Variants in CLPB observed in about 807,000 individuals in gnomAD.
CLPB encodes ClpB family mitochondrial disaggregase.
Under a neutral mutation model 78.4 loss-of-function variants are expected in CLPB, and 40 were observed. That is an observed-to-expected ratio of 0.51 (90% CI 0.40 to 0.66). The LOEUF (loss-of-function observed/expected upper bound fraction) is 0.66, where lower values mean the gene tolerates loss of function less well. Ranked by LOEUF, CLPB falls within the 30% of genes least tolerant of loss-of-function variation. The probability of loss-of-function intolerance (pLI) is 0.00; values close to 1 mark genes in which losing one functional copy is unlikely to be tolerated. For missense variants in CLPB, 780 were observed against 886.9 expected (o/e 0.88, Z 1.53); for synonymous variants, 333 against 348.0 (o/e 0.96, Z 0.48).
At chr11:72,316,854 G>A (rs1464527518) in intron 7 of CLPB, among the ~76,000 whole-genome samples, 1 of 152,218 alleles carries the variant, frequency 6.6e-6, no homozygotes, top group Non-Finnish European at 1.5e-5. Flanking sequence ...CCTCGAGCAA[G>A]TGATTTAGGT....
intron 2 of CLPB, among the ~76,000 whole-genome samples, chr11:72,422,315 C>T (rs891600117): frequency 6.7e-6 from 1 of 148,704 alleles, no homozygotes; most frequent in African/African-American, 2.5e-5. Context: ...TTTAAAAGGT[C>T]TCAGTGGGGA....
rs115684763 is a variant in CLPB at position 72,291,200 on chromosome 11, C to A, written c.*2167G>T. On this transcript the variant is annotated 3_prime_UTR_variant, in exon 16 of 16. Transcript: ENST00000538039. Reference sequence around the variant, plus strand: ...GCTGACAGAGATGAAGGAAACACCACAACAAAATGCAATATGGGACCCTGG... The same window carrying A: ...GCTGACAGAGATGAAGGAAACACCAAAACAAAATGCAATATGGGACCCTGG... 6.6e-6 allele frequency: 1 copy of A among 152,234 alleles called. No homozygotes were observed. The highest frequency in any genetic ancestry group is 1.5e-5 in the Non-Finnish European group (1 of 68,050). The allele number at this position is 152,234 out of a possible 1,614,324, so 9.4% of individuals were successfully genotyped here. A position where few individuals can be genotyped will look rare whatever the true frequency, so the allele number is the denominator to read the frequency against.
chr11:72,393,513 A>G (rs565750834), intron 3 of CLPB, among the ~76,000 whole-genome samples: 166 of 152,310 alleles, frequency 1.1e-3, no homozygotes, highest in Middle Eastern at 3.4e-3. Context: ...ACTAAAAACC[A>G]TAAGAGGCAC....
intron 2 of CLPB, among the ~76,000 whole-genome samples, chr11:72,404,444 A>C (rs1855645964): frequency 6.6e-6 from 1 of 152,216 alleles, no homozygotes; most frequent in South Asian, 2.1e-4. Context: ...TGATGTTAGC[A>C]GGTAACTAAG....
At chr11:72,418,665 G>A (rs1280745655) in intron 2 of CLPB, among the ~76,000 whole-genome samples, 1 of 152,036 alleles carries the variant, frequency 6.6e-6, no homozygotes, top group Admixed American at 6.6e-5. Context: ...GACCAGCCTG[G>A]CCAACATGGC....
At chr11:72,293,642 C>T in intron 15 of CLPB, 27 bp from the exon 16 acceptor site, 5 of 1,594,390 alleles carry the variant, frequency 3.1e-6, no homozygotes, top group African/African-American at 2.7e-5. Context: ...GAAGTGGTCA[C>T]TCCCTCGGCC....
chr11:72,383,202 C>T (rs186158506), intron 3 of CLPB, among the ~76,000 whole-genome samples: 14 of 151,550 alleles, frequency 9.2e-5, no homozygotes, highest in African/African-American at 3.4e-4. Context: ...TAACACTACA[C>T]CAAGACATAT....
At chr11:72,323,246 T>C (rs1487939733) in intron 6 of CLPB, among the ~76,000 whole-genome samples, 1 of 152,164 alleles carries the variant, frequency 6.6e-6, no homozygotes, top group Non-Finnish European at 1.5e-5. Flanking sequence ...GAGGGACATT[T>C]TACAAAATAA....
Position 72,285,573 on chromosome 11 carries a change from TA to T in CLPB, c.*7793del, listed in dbSNP as rs1399853923. The T allele has an allele frequency of 6.6e-6, 1 of 152,264 alleles. No individual in the cohort carries two copies. The highest frequency in any genetic ancestry group is 1.5e-5 in the Non-Finnish European group (1 of 68,046). 9.4% of individuals were successfully genotyped at this position (152,264 alleles called of 1,614,324 possible). Reference sequence around the variant, plus strand: ...TATTTTAGTATTAAATCATCCTTTCTAAAACTTGATGTTTTTTCACTTGTCA... The same window carrying T: ...TATTTTAGTATTAAATCATCCTTTCTAAACTTGATGTTTTTTCACTTGTCA... On this transcript the variant is annotated 3_prime_UTR_variant, in exon 16 of 16. Transcript: ENST00000538039.
At chr11:72,306,139 G>A (rs1949742630) in intron 9 of CLPB, among the ~76,000 whole-genome samples, 1 of 152,240 alleles carries the variant, frequency 6.6e-6, no homozygotes, top group African/African-American at 2.4e-5. Flanking sequence ...GTCTGCTCCA[G>A]GTTTGGTGGA....
At chr11:72,373,166 C>A in intron 4 of CLPB, 1 of 618,690 alleles carries the variant, frequency 1.6e-6, no homozygotes, top group Non-Finnish European at 2.9e-6. Context: ...CCCCACTCAT[C>A]TTTATTCAGC....
intron 6 of CLPB, among the ~76,000 whole-genome samples, chr11:72,329,495 C>T (rs926376222): frequency 6.6e-6 from 1 of 152,176 alleles, no homozygotes; most frequent in African/African-American, 2.4e-5. Context: ...ATGATAGGGG[C>T]AGCTTCCTAT....
In CLPB at chr11:72,317,089, G is replaced by A. The variant is rs1434726119; in HGVS notation, c.988+17C>T. ...AAAGGGCACCACTCTGCCCTTTCTGGTGTCCCACACACTCACCAGCACCCA... is the reference window on the plus strand; with the variant it reads ...AAAGGGCACCACTCTGCCCTTTCTGATGTCCCACACACTCACCAGCACCCA... On this transcript the variant is annotated intron_variant, in intron 7 of 15. Transcript: ENST00000538039. The A allele has an allele frequency of 1.1e-5, 17 of 1,581,324 alleles. No homozygotes were observed. The highest frequency in any genetic ancestry group is 1.5e-5 in the Non-Finnish European group (17 of 1,159,382).
At chr11:72,413,285 G>A (rs1014744636) in intron 2 of CLPB, among the ~76,000 whole-genome samples, 57 of 150,614 alleles carry the variant, frequency 3.8e-4, no homozygotes, top group African/African-American at 1.2e-3. Flanking sequence ...GCGAAAATCC[G>A]TCTCGAAAAA....
At chr11:72,366,714 C>T (rs978263169) in intron 4 of CLPB, among the ~76,000 whole-genome samples, 2 of 152,084 alleles carry the variant, frequency 1.3e-5, no homozygotes, top group Non-Finnish European at 2.9e-5. Context: ...TACCATCTCG[C>T]ACCAGTCAGA....
At chr11:72,307,171 C>G (rs374787356) in intron 9 of CLPB, 28 bp downstream of exon 9, 3 of 1,607,154 alleles carry the variant, frequency 1.9e-6, no homozygotes, top group Non-Finnish European at 2.6e-6. Flanking sequence ...CCACGATCTG[C>G]AGATCAGACC....
Position 72,309,947 on chromosome 11 carries a change from T to C in CLPB, c.989-1343A>G, listed in dbSNP as rs138441264. ...GTTGCCAAGATCCTAACTACTATAC[T>C]GTGTGGTTGGATTTCAAAGAAACGA... On this transcript the variant is annotated intron_variant, in intron 7 of 15. Transcript: ENST00000538039. 2.8e-4 allele frequency among the ~76,000 whole-genome samples: 43 copies of C among 152,250 alleles called. No homozygotes were observed. The East Asian group carries it at 7.9e-3, about 28-fold the overall frequency.
intron 4 of CLPB, among the ~76,000 whole-genome samples, chr11:72,376,545 G>A (rs1854705317): frequency 6.7e-6 from 1 of 148,966 alleles, no homozygotes; most frequent in Admixed American, 6.7e-5. Context: ...GCAGACAAAG[G>A]TAGTCTAGAA....
chr11:72,359,934 A>G (rs1950802633), intron 4 of CLPB, among the ~76,000 whole-genome samples: 1 of 151,598 alleles, frequency 6.6e-6, no homozygotes, highest in Non-Finnish European at 1.5e-5. Flanking sequence ...TTTTTCCAGG[A>G]CTCTCTGGGT....
Sources: gnomAD v4.1 joint callset for allele counts (sites outside exome capture counted in the v4.1 genomes callset) on GRCh38, gnomAD v4.1.1 for gene constraint, MANE v1.5 for transcripts, NCBI Gene and HGNC (gene_info 2026-07-23, HGNC 2026-07-21) for gene names.